The following RGS9 variants were observed in gnomAD, a reference collection of about 807,000 sequenced individuals.
The protein encoded by RGS9 is regulator of G protein signaling 9, also known as regulator of G-protein signalling 9.
A neutral mutation model predicts 102.0 loss-of-function variants in RGS9; 78 were observed. The observed-to-expected ratio is 0.76, with a 90% CI of 0.64 to 0.92. The LOEUF is 0.92. Ranked by LOEUF, RGS9 falls within the 40% of genes least tolerant of loss-of-function variation. The pLI, the probability that RGS9 is intolerant of heterozygous loss-of-function variation, is 0.00. For missense variants in RGS9, 833 were observed against 866.1 expected, an observed-to-expected ratio of 0.96 and a Z score of 0.48; for synonymous variants, 353 against 318.6, an observed-to-expected ratio of 1.11 and a Z score of -1.15.
chr17:65,178,201 C>A (rs1196419083), intron 9 of RGS9, among the ~76,000 whole-genome samples: 3 of 152,132 alleles, frequency 2.0e-5, no homozygotes, highest in South Asian at 4.1e-4. Flanking sequence ...ACTGTAGACC[C>A]CAGCCTCGAA....
At chr17:65,214,351 T>C (rs1913412914) in intron 17 of RGS9, among the ~76,000 whole-genome samples, 1 of 152,190 alleles carries the variant, frequency 6.6e-6, no homozygotes, top group Non-Finnish European at 1.5e-5. Context: ...GTCTCTGCCC[T>C]CAAGGGGCTG....
intron 17 of RGS9, among the ~76,000 whole-genome samples, chr17:65,215,697 A>C (rs1052520896): frequency 2.0e-5 from 3 of 151,974 alleles, no homozygotes; most frequent in Non-Finnish European, 4.4e-5. Flanking sequence ...AGTAGCTGGG[A>C]TTACAGGCAC....
At chr17:65,149,090 T>C (rs964598704) in intron 1 of RGS9, among the ~76,000 whole-genome samples, 5 of 151,944 alleles carry the variant, frequency 3.3e-5, no homozygotes, top group Non-Finnish European at 7.4e-5. Flanking sequence ...GCCTCCTGAG[T>C]AGCTGGGATT....
At chr17:65,180,784 A>C (rs1428321126) in intron 9 of RGS9, among the ~76,000 whole-genome samples, 1 of 152,146 alleles carries the variant, frequency 6.6e-6, no homozygotes, top group African/African-American at 2.4e-5. Context: ...TAGTTTTTCT[A>C]TCCTCTCCCT....
chr17:65,190,330 C>A, intron 11 of RGS9, 94 bp downstream of exon 11: 1 of 987,844 alleles, frequency 1.0e-6, no homozygotes, highest in Non-Finnish European at 1.6e-6. Context: ...GGCTGACAGA[C>A]TGAAGATTCA....
intron 17 of RGS9, among the ~76,000 whole-genome samples, chr17:65,221,958 G>A (rs569362942): frequency 5.8e-4 from 88 of 152,188 alleles, no homozygotes; most frequent in Non-Finnish European, 7.1e-4. Context: ...ACATTTTGTG[G>A]AGGACACAAA....
At chr17:65,140,534 A>G (rs533802109) in intron 1 of RGS9, among the ~76,000 whole-genome samples, 7 of 152,190 alleles carry the variant, frequency 4.6e-5, no homozygotes, top group East Asian at 1.9e-4. Flanking sequence ...CGGAGCCACT[A>G]TAGAAATTGG....
intron 15 of RGS9, among the ~76,000 whole-genome samples, chr17:65,207,693 C>A (rs1178660424): frequency 6.6e-6 from 1 of 152,122 alleles, no homozygotes; most frequent in Non-Finnish European, 1.5e-5. Context: ...CTCATCAGGA[C>A]GGCTGGGGCA....
At chr17:65,207,048 G>A (rs927993224) in intron 15 of RGS9, among the ~76,000 whole-genome samples, 1 of 152,234 alleles carries the variant, frequency 6.6e-6, no homozygotes, top group South Asian at 2.1e-4. Context: ...TCGCTTAAAA[G>A]TAACGAGCAT....
At chr17:65,178,670 A>G (rs1567874616) in intron 9 of RGS9, among the ~76,000 whole-genome samples, 1 of 152,008 alleles carries the variant, frequency 6.6e-6, no homozygotes, top group Non-Finnish European at 1.5e-5. Context: ...TGCTTGGCTA[A>G]TTTTTGAAAT....
At chr17:65,200,584 C>G (rs571433534) in intron 13 of RGS9, among the ~76,000 whole-genome samples, 19 of 152,198 alleles carry the variant, frequency 1.2e-4, no homozygotes, top group South Asian at 1.0e-3. Flanking sequence ...CAAAGAACGC[C>G]CTAAAGTTCA....
chr17:65,219,639 T>G (rs1567895165), intron 17 of RGS9, among the ~76,000 whole-genome samples: 1 of 152,192 alleles, frequency 6.6e-6, no homozygotes, highest in Admixed American at 6.5e-5. Flanking sequence ...AGTTCCATTT[T>G]CCAACTTGAC....
rs1243459041 is a variant in RGS9 at position 65,227,335 on chromosome 17, G to A, written c.1953G>A (p.Glu651=). The stretch of plus-strand genomic sequence containing the variant: ...GCGGGACCTGCTTGATGGACTCGGA[G>A]GATGCTGGAACAGGAGAGTCGGGTG... ...TGSGTCLMDS[E]DAGTGESGDR... The change falls in exon 19 of 19, where the codon GAG becomes GAA. Residue 651 remains glutamate, a synonymous_variant. Coordinates refer to ENST00000262406, the MANE Select transcript of RGS9 (RefSeq NM_003835.4). 2.5e-6 allele frequency: 4 copies of A among 1,614,104 alleles called. No individual in the cohort carries two copies. Among genetic ancestry groups the A allele is most frequent in the African/African-American group, 2.7e-5 (2 of 74,934 alleles).
chr17:65,206,265 G>A (rs1404985014), intron 15 of RGS9, among the ~76,000 whole-genome samples: 1 of 152,086 alleles, frequency 6.6e-6, no homozygotes, highest in African/African-American at 2.4e-5. Flanking sequence ...GAATCAGTGG[G>A]GTGTTTCTGT....
intron 1 of RGS9, among the ~76,000 whole-genome samples, chr17:65,143,913 A>G (rs559347726): frequency 2.0e-5 from 3 of 151,186 alleles, no homozygotes; most frequent in African/African-American, 7.3e-5. Context: ...GTGAGCTATG[A>G]TCATGCCACT....
chr17:65,193,480 GT>G, intron 11 of RGS9, 62 bp from the exon 12 acceptor site: 2 of 977,504 alleles, frequency 2.0e-6, no homozygotes, highest in South Asian at 2.6e-5. Context: ...CAGTTGACCT[GT>G]GTATTGATGT....
At chr17:65,157,068 A>G (rs142555563) in intron 2 of RGS9, among the ~76,000 whole-genome samples, 1 of 152,284 alleles carries the variant, frequency 6.6e-6, no homozygotes, top group African/African-American at 2.4e-5. Context: ...GGTCATAAGA[A>G]GAAATGTCCC....
At chr17:65,210,328 A>G (rs951978873) in intron 16 of RGS9, among the ~76,000 whole-genome samples, 160 bp from the exon 17 acceptor site, 5 of 152,172 alleles carry the variant, frequency 3.3e-5, no homozygotes, top group African/African-American at 1.2e-4. Flanking sequence ...GTGGGGAGAA[A>G]GGAGCCAAGG....
intron 17 of RGS9, among the ~76,000 whole-genome samples, chr17:65,219,883 CCATCATCAT>C (rs1286415033): frequency 2.6e-5 from 4 of 151,110 alleles, no homozygotes; most frequent in African/African-American, 9.7e-5. Context: ...ACCATCATCA[CCATCATCAT>C]CATCACTATC....
Sources: gnomAD v4.1 joint callset for allele counts (sites outside exome capture counted in the v4.1 genomes callset) on GRCh38, gnomAD v4.1.1 for gene constraint, MANE v1.5 for transcripts, NCBI Gene and HGNC (gene_info 2026-07-23, HGNC 2026-07-21) for gene names.